Variants in SLC2A2 observed in about 807,000 individuals in gnomAD.
SLC2A2 encodes solute carrier family 2, facilitated glucose transporter member 2.
In SLC2A2, 36 loss-of-function variants were observed where a neutral mutation model predicts 54.5. That is an observed-to-expected ratio of 0.66 (90% CI 0.51 to 0.87). The LOEUF (loss-of-function observed/expected upper bound fraction) is 0.87. SLC2A2 is among the 40% of genes least tolerant of loss of function. SLC2A2 has a pLI of 0.00. For missense variants in SLC2A2, 543 were observed against 624.3 expected (o/e 0.87, Z 1.39); for synonymous variants, 223 against 219.1 (o/e 1.02, Z -0.16).
intron 8 of SLC2A2, among the ~76,000 whole-genome samples, chr3:170,999,518 T>C (rs2108234901): frequency 6.6e-6 from 1 of 152,234 alleles, no homozygotes. Flanking sequence ...CCAATAGATG[T>C]CCTGTACATT....
chr3:171,019,079 ATATATATGTGTGTGTGTG>A (rs1716302802), intron 1 of SLC2A2, among the ~76,000 whole-genome samples: 1 of 105,792 alleles, frequency 9.5e-6, no homozygotes, highest in South Asian at 3.1e-4. Context: ...GTGTGTGTAT[ATATATATGTGTGTGTGTG>A]TATATATATA....
intron 5 of SLC2A2, among the ~76,000 whole-genome samples, chr3:171,006,894 C>T (rs1207462540): frequency 1.3e-5 from 2 of 152,024 alleles, no homozygotes; most frequent in East Asian, 1.9e-4. Flanking sequence ...ATCCCACCAA[C>T]AATTCCAAGG....
chr3:171,010,389 T>C (rs1715828684), intron 3 of SLC2A2, among the ~76,000 whole-genome samples: 1 of 152,158 alleles, frequency 6.6e-6, no homozygotes, highest in African/African-American at 2.4e-5. Context: ...AAAGGCACCA[T>C]CATGGTTCAT....
intron 4 of SLC2A2, 105 bp from the exon 5 acceptor site, chr3:171,007,368 A>G (rs1715664043): frequency 4.1e-6 from 3 of 723,732 alleles, no homozygotes; most frequent in Non-Finnish European, 7.5e-6. Flanking sequence ...CCCCTCCCTG[A>G]ATTCACTGGA....
At chr3:171,010,350 C>G (rs928895479) in intron 3 of SLC2A2, among the ~76,000 whole-genome samples, 5 of 152,062 alleles carry the variant, frequency 3.3e-5, no homozygotes, top group Non-Finnish European at 7.4e-5. Context: ...GACAGGGTCT[C>G]ACTCGCTCTG....
chr3:170,997,954 C>G lies in SLC2A2; in HGVS notation c.1524G>C (p.Arg508Ser), dbSNP rs374630641. Reference sequence around the variant, plus strand: ...ATTTCATTTCTACAGCAGCTTTTGGCCTGTGGGCTGAGCCACTCTTCTTTT... The same window carrying G: ...ATTTCATTTCTACAGCAGCTTTTGGGCTGTGGGCTGAGCCACTCTTCTTTT... ...EFQKKSGSAH[R>S]PKAAVEMKFL... Residue 508 changes from arginine (R) to serine (S), a missense_variant, in exon 11 of 11, where the codon AGG (arginine) becomes AGC (serine). Arg to Ser is a moderately radical substitution (Grantham distance 110). This residue lies in a region of SLC2A2 where 108 missense variants were observed against 101.3 expected (regional missense o/e 1.07). Coordinates refer to ENST00000314251, the MANE Select transcript of SLC2A2 (RefSeq NM_000340.2). The G allele has an allele frequency of 1.9e-6, 3 of 1,613,418 alleles. No homozygotes were observed. Among genetic ancestry groups the G allele is most frequent in the Non-Finnish European group, 2.5e-6 (3 of 1,179,744 alleles).
intron 3 of SLC2A2, among the ~76,000 whole-genome samples, chr3:171,012,639 TTTTA>T (rs1485996384): frequency 6.6e-6 from 1 of 152,174 alleles, no homozygotes; most frequent in African/African-American, 2.4e-5. Flanking sequence ...AGTATTACAT[TTTTA>T]TTTATTTACT....
chr3:171,024,582 T>C (rs1716603023), intron 1 of SLC2A2, among the ~76,000 whole-genome samples: 2 of 152,234 alleles, frequency 1.3e-5, no homozygotes, highest in South Asian at 4.1e-4. Flanking sequence ...TGATCTTGCA[T>C]GCAACTTTGG....
intron 7 of SLC2A2, among the ~76,000 whole-genome samples, chr3:171,003,813 T>C (rs55692851): frequency 2.0e-3 from 299 of 152,146 alleles, no homozygotes; most frequent in South Asian, 0.011. Flanking sequence ...TGTAGGCATG[T>C]GCTCAACTTT....
Position 171,014,733 on chromosome 3 carries a change from T to A in SLC2A2, c.109-2A>T. 1 of 1,611,228 alleles carries A rather than the reference T, an allele frequency of 6.2e-7. No homozygotes were observed. Among genetic ancestry groups the A allele is most frequent in the Non-Finnish European group, 8.5e-7 (1 of 1,177,364 alleles). On this transcript the variant is annotated splice_acceptor_variant, in intron 2 of 10. Transcript: ENST00000314251. LOFTEE classifies it high-confidence loss of function. ...ATGTCTATAGTGAGATATTATTACC[T>A]AGGAGATAAAGAAAAATAGCTTTAC...
At chr3:171,013,349 C>A (rs983366244) in intron 3 of SLC2A2, among the ~76,000 whole-genome samples, 7 of 151,844 alleles carry the variant, frequency 4.6e-5, no homozygotes, top group African/African-American at 1.7e-4. Context: ...TTTACAGATT[C>A]GTATTTAAAG....
chr3:171,008,712 GTTA>G (rs2108248444), intron 4 of SLC2A2, among the ~76,000 whole-genome samples: 1 of 152,014 alleles, frequency 6.6e-6, no homozygotes. Context: ...CGTTCATAGT[GTTA>G]TTATCTGCAT....
chr3:171,010,818 G>A (rs562751972), intron 3 of SLC2A2, among the ~76,000 whole-genome samples: 3 of 152,022 alleles, frequency 2.0e-5, no homozygotes, highest in African/African-American at 4.8e-5. Flanking sequence ...GCTGACAATA[G>A]CAACAAAAAC....
At chr3:170,999,326 G>A (rs1306270572) in intron 8 of SLC2A2, among the ~76,000 whole-genome samples, 160 bp from the exon 9 acceptor site, 1 of 152,092 alleles carries the variant, frequency 6.6e-6, no homozygotes, top group African/African-American at 2.4e-5. Flanking sequence ...AAGGTGGGGA[G>A]TGACTCTAGC....
intron 8 of SLC2A2, among the ~76,000 whole-genome samples, chr3:171,002,069 G>A (rs1715361233): frequency 6.6e-6 from 1 of 151,930 alleles, no homozygotes; most frequent in Admixed American, 6.6e-5. Context: ...ACCATTTGCT[G>A]AGTCTGTTTA....
chr3:171,012,382 A>G (rs1432790242), intron 3 of SLC2A2, among the ~76,000 whole-genome samples: 1 of 152,198 alleles, frequency 6.6e-6, no homozygotes, highest in African/African-American at 2.4e-5. Context: ...CATTTTAATG[A>G]GTTCCATTTT....
chr3:171,005,187 A>G, intron 7 of SLC2A2, 98 bp downstream of exon 7: 1 of 992,030 alleles, frequency 1.0e-6, no homozygotes, highest in Non-Finnish European at 1.6e-6. Context: ...TGATGCCAAT[A>G]CCTTAAAATA....
At position 171,010,027 on chromosome 3, in the gene SLC2A2, C is replaced by G. The variant is rs770941010; in HGVS notation, c.427G>C (p.Gly143Arg). 1 of 1,611,878 alleles carries G rather than the reference C, an allele frequency of 6.2e-7. No homozygotes were observed. The highest frequency in any genetic ancestry group is 8.5e-7 in the Non-Finnish European group (1 of 1,178,924). ...ILSLVGALLM[G>R]FSKLGPSHIL... ...TGAGATGGTCCCAATTTTGAAAACC[C>G]CATCAAGAGAGCTCCAACTAATGAC... Residue 143 changes from glycine to arginine, a missense_variant, in exon 4 of 11, where the codon GGG becomes CGG. By Grantham distance (125) the Gly-to-Arg change is moderately radical. Transcript: ENST00000314251.
intron 3 of SLC2A2, 122 bp downstream of exon 3, chr3:171,014,347 T>C: frequency 9.7e-7 from 1 of 1,029,174 alleles, no homozygotes; most frequent in Non-Finnish European, 1.5e-6. Context: ...CATAGGGTCA[T>C]GAGTTGAAAA....
Sources: allele counts gnomAD v4.1 joint callset (sites outside exome capture counted in the v4.1 genomes callset), GRCh38; gene constraint gnomAD v4.1.1; regional missense constraint gnomAD v4.1.1; transcripts MANE v1.5; gene names NCBI Gene and HGNC (gene_info 2026-07-23, HGNC 2026-07-21).